Variants in IL1RAPL1 observed in about 807,000 individuals in gnomAD.
The protein encoded by IL1RAPL1 is interleukin-1 receptor accessory protein-like 1.
A neutral mutation model predicts 48.4 loss-of-function variants in IL1RAPL1; 3 were observed. The observed-to-expected ratio is 0.06, with a 90% CI of 0.03 to 0.16. IL1RAPL1 has a LOEUF of 0.16. Among genes scored for constraint, IL1RAPL1 ranks in the 10% least tolerant of loss-of-function variants. The pLI, the probability that IL1RAPL1 is intolerant of heterozygous loss-of-function variation, is 1.00. For missense variants in IL1RAPL1, 349 were observed against 530.6 expected (o/e 0.66, Z 3.36); for synonymous variants, 185 against 187.7 (o/e 0.99, Z 0.12).
intron 5 of IL1RAPL1, among the ~76,000 whole-genome samples, chrX:29,449,774 C>CAGAGAG (rs769103688): frequency 7.3e-5 from 3 of 41,038 alleles, no homozygotes; most frequent in African/African-American, 4.0e-4. Flanking sequence ...CACACACACA[C>CAGAGAG]ACACACAGAG....
At position 29,914,673 on chromosome X, in the gene IL1RAPL1, CAG is replaced by C. The variant is rs775685105; in HGVS notation, c.779-2789_779-2788del. ...ATTCGTGACTACCTTGGCACTATAA[CAG>C]ATAGTCCTGGTACAAAAAAAAACAA... On this transcript the variant is annotated intron_variant, in intron 6 of 10. Transcript: ENST00000378993. 1.7e-4 allele frequency among the ~76,000 whole-genome samples: 13 copies of C among 77,157 alleles called. No homozygotes were observed. The East Asian group carries it at 4.9e-3, about 29-fold the overall frequency. 67.0% of individuals were successfully genotyped at this position (77,157 alleles called of 115,157 possible).
intron 5 of IL1RAPL1, among the ~76,000 whole-genome samples, chrX:29,580,895 T>C (rs1409091582): frequency 8.9e-6 from 1 of 112,379 alleles, no homozygotes; most frequent in Non-Finnish European, 1.9e-5. Context: ...TATTTGTGAA[T>C]GTGAGCTTTC....
chrX:29,759,901 A>T (rs1185848617), intron 6 of IL1RAPL1, among the ~76,000 whole-genome samples: 1 of 111,549 alleles, frequency 9.0e-6, no homozygotes, highest in Non-Finnish European at 1.9e-5. Flanking sequence ...GGTAATGGCC[A>T]GTTATTTACC....
intron 8 of IL1RAPL1, among the ~76,000 whole-genome samples, chrX:29,923,967 G>A (rs1036669818): frequency 8.9e-6 from 1 of 111,755 alleles, no homozygotes; most frequent in Non-Finnish European, 1.9e-5. Flanking sequence ...ATGGTTAAGA[G>A]CATGGACTTA....
At chrX:29,526,519 A>T (rs1935554660) in intron 5 of IL1RAPL1, among the ~76,000 whole-genome samples, 1 of 112,044 alleles carries the variant, frequency 8.9e-6, no homozygotes, top group African/African-American at 3.2e-5. Flanking sequence ...CCTAGAGAAT[A>T]AATGGCAAAT....
intron 2 of IL1RAPL1, among the ~76,000 whole-genome samples, chrX:28,833,934 T>C (rs908824634): frequency 1.8e-5 from 2 of 112,443 alleles, no homozygotes; most frequent in Admixed American, 9.4e-5. Context: ...AATGCATTTA[T>C]GTAAACATTA....
chrX:29,513,588 A>G (rs1050526879), intron 5 of IL1RAPL1, among the ~76,000 whole-genome samples: 3 of 111,995 alleles, frequency 2.7e-5, no homozygotes, highest in Admixed American at 9.5e-5. Flanking sequence ...AAAAGAGCAC[A>G]CTTCTGTTAT....
At chrX:28,704,833 A>ACAC (rs1569155058) in intron 1 of IL1RAPL1, among the ~76,000 whole-genome samples, 22 of 83,006 alleles carry the variant, frequency 2.7e-4, no homozygotes, top group African/African-American at 7.8e-4. Context: ...CACACACACA[A>ACAC]AAAAAAAAAA....
intron 1 of IL1RAPL1, among the ~76,000 whole-genome samples, chrX:28,704,825 C>CAAAAAAAAAA (rs1293482928): frequency 2.4e-5 from 1 of 41,689 alleles, no homozygotes; most frequent in African/African-American, 1.5e-4. Context: ...CACACACACA[C>CAAAAAAAAAA]ACACACAAAA....
intron 6 of IL1RAPL1, among the ~76,000 whole-genome samples, chrX:29,803,630 T>TGTGTATATATATACACGC (rs1245349865): frequency 2.9e-5 from 3 of 104,101 alleles, no homozygotes; most frequent in Non-Finnish European, 3.9e-5. Context: ...TATGTATATA[T>TGTGTATATATATACACGC]GTGTATATAT....
chrX:28,957,431 G>A (rs754251930), intron 2 of IL1RAPL1, among the ~76,000 whole-genome samples: 118 of 110,897 alleles, frequency 1.1e-3, no homozygotes, highest in African/African-American at 3.2e-3. Flanking sequence ...TTAATCAAGC[G>A]CTTCTCAAGA....
At chrX:29,585,874 T>C (rs887634045) in intron 5 of IL1RAPL1, among the ~76,000 whole-genome samples, 1 of 105,880 alleles carries the variant, frequency 9.4e-6, no homozygotes, top group Admixed American at 9.9e-5. Context: ...TAGTGTGTTT[T>C]TCTGTTTGTT....
rs1311290240 is a variant in IL1RAPL1 at position 29,906,353 on chromosome X, C to CA, written c.779-11100dup. Among the ~76,000 whole-genome samples, 226 of 62,143 alleles carry CA rather than the reference C, an allele frequency of 3.6e-3. 3 individuals are homozygous for CA. The highest frequency in any genetic ancestry group is 0.021 in the South Asian group (31 of 1,506). 54.0% of individuals were successfully genotyped at this position (62,143 alleles called of 115,157 possible). A position where few individuals can be genotyped will look rare whatever the true frequency, so the allele number is the denominator to read the frequency against. On this transcript the variant is annotated intron_variant, in intron 6 of 10. Coordinates refer to ENST00000378993, the MANE Select transcript of IL1RAPL1 (RefSeq NM_014271.4). Reference sequence around the variant, plus strand: ...CTGTCTCAAAAAAACAAACAAACAACAAAAAAAAAAACATAAAAAAGCAGG... The same window carrying CA: ...CTGTCTCAAAAAAACAAACAAACAACAAAAAAAAAAAACATAAAAAAGCAGG...
chrX:29,636,385 C>T (rs1924967288), intron 5 of IL1RAPL1, among the ~76,000 whole-genome samples: 2 of 111,976 alleles, frequency 1.8e-5, no homozygotes, highest in South Asian at 7.3e-4. Flanking sequence ...CTGTTTATCA[C>T]GTGTTAGGGA....
At chrX:29,449,724 T>C (rs1309822171) in intron 5 of IL1RAPL1, among the ~76,000 whole-genome samples, 1 of 89,219 alleles carries the variant, frequency 1.1e-5, no homozygotes, top group African/African-American at 4.2e-5. Context: ...GAGTAACTTA[T>C]GCATACATAT....
At chrX:29,188,408 A>G (rs1327488133) in intron 2 of IL1RAPL1, among the ~76,000 whole-genome samples, 1 of 111,551 alleles carries the variant, frequency 9.0e-6, no homozygotes. Context: ...GTAATTAATT[A>G]TCTATAATTT....
chrX:29,396,570 G>C, intron 4 of IL1RAPL1, 126 bp downstream of exon 4: 1 of 615,750 alleles, frequency 1.6e-6, no homozygotes, highest in Non-Finnish European at 2.7e-6. Flanking sequence ...GAATAATATA[G>C]CAAGTTGTAC....
chrX:29,243,349 G>A (rs979862864), intron 2 of IL1RAPL1, among the ~76,000 whole-genome samples: 4 of 111,974 alleles, frequency 3.6e-5, no homozygotes, highest in African/African-American at 9.7e-5. Flanking sequence ...TGCTTGGTTT[G>A]CTTTCAAATT....
intron 2 of IL1RAPL1, among the ~76,000 whole-genome samples, chrX:28,869,928 A>G (rs1301416021): frequency 9.0e-6 from 1 of 111,714 alleles, no homozygotes; most frequent in Admixed American, 9.5e-5. Flanking sequence ...AGATTTGCCT[A>G]TTCTGGACAT....
Sources: gnomAD v4.1 joint callset for allele counts (sites outside exome capture counted in the v4.1 genomes callset) on GRCh38, gnomAD v4.1.1 for gene constraint, MANE v1.5 for transcripts, NCBI Gene and HGNC (gene_info 2026-07-23, HGNC 2026-07-21) for gene names.